The following CCBE1 variants were observed in gnomAD, a reference collection of about 807,000 sequenced individuals.
The protein encoded by CCBE1 is collagen and calcium binding EGF domains 1.
A neutral mutation model predicts 50.0 loss-of-function variants in CCBE1; 37 were observed. The observed-to-expected ratio is 0.74, with a 90% CI of 0.57 to 0.97. The LOEUF (loss-of-function observed/expected upper bound fraction) is 0.97. CCBE1 is among the 50% of genes least tolerant of loss of function. CCBE1 has a pLI of 0.00. For missense variants in CCBE1, 538 were observed against 523.8 expected (o/e 1.03, Z -0.26); for synonymous variants, 234 against 203.7 (o/e 1.15, Z -1.27).
chr18:59,500,797 C>T (rs1913583193), intron 2 of CCBE1, among the ~76,000 whole-genome samples: 1 of 152,204 alleles, frequency 6.6e-6, no homozygotes, highest in Non-Finnish European at 1.5e-5. Flanking sequence ...GGACCTGCTG[C>T]CCTTCTTCCA....
At chr18:59,658,255 C>T (rs762435766) in intron 2 of CCBE1, among the ~76,000 whole-genome samples, 2 of 121,618 alleles carry the variant, frequency 1.6e-5, no homozygotes, top group East Asian at 2.8e-4. Flanking sequence ...TTGGGGATGC[C>T]GAGGCAGGAT....
chr18:59,645,209 C>G (rs1261178278), intron 2 of CCBE1, among the ~76,000 whole-genome samples: 1 of 150,706 alleles, frequency 6.6e-6, no homozygotes, highest in East Asian at 2.0e-4. Flanking sequence ...AGCCTGGAAA[C>G]AGAACGAGAC....
At chr18:59,584,933 A>G (rs1336795732) in intron 2 of CCBE1, among the ~76,000 whole-genome samples, 1 of 152,128 alleles carries the variant, frequency 6.6e-6, no homozygotes, top group Non-Finnish European at 1.5e-5. Context: ...GACAAGTTTG[A>G]TTCTATGACT....
chr18:59,628,157 C>A (rs998162887), intron 2 of CCBE1, among the ~76,000 whole-genome samples: 1 of 152,164 alleles, frequency 6.6e-6, no homozygotes, highest in Non-Finnish European at 1.5e-5. Flanking sequence ...GCTGAGACTG[C>A]AGTGAATTTT....
rs140207654 is a variant in CCBE1 at position 59,519,296 on chromosome 18, T to C, written c.213-39058A>G. On this transcript the variant is annotated intron_variant, in intron 2 of 10. Coordinates refer to ENST00000439986, the MANE Select transcript of CCBE1 (RefSeq NM_133459.4). Reference sequence around the variant, plus strand: ...AGATCAAAACCAGCTTGGAGGTTCCTGGACTTACTTAGAAAAGAGCAGTGC... The same window carrying C: ...AGATCAAAACCAGCTTGGAGGTTCCCGGACTTACTTAGAAAAGAGCAGTGC... Among the ~76,000 whole-genome samples the C allele has an allele frequency of 5.2e-3, 798 of 152,282 alleles. 4 individuals are homozygous for C. Among genetic ancestry groups the C allele is most frequent in the Non-Finnish European group, 9.0e-3 (615 of 68,026 alleles).
intron 2 of CCBE1, among the ~76,000 whole-genome samples, chr18:59,502,542 A>C (rs1913672688): frequency 6.6e-6 from 1 of 152,148 alleles, no homozygotes; most frequent in South Asian, 2.1e-4. Flanking sequence ...AGCCTTGTAC[A>C]TGGCACACTT....
intron 2 of CCBE1, among the ~76,000 whole-genome samples, chr18:59,574,422 A>G (rs6567104): frequency 0.057 from 8,735 of 152,210 alleles, 696 homozygotes; most frequent in African/African-American, 0.18. Flanking sequence ...AATGGGGTGT[A>G]TTAGAGAAAC....
chr18:59,571,325 T>C (rs1357087395), intron 2 of CCBE1, among the ~76,000 whole-genome samples: 2 of 152,126 alleles, frequency 1.3e-5, no homozygotes, highest in Non-Finnish European at 2.9e-5. Flanking sequence ...ATGTCCTTTG[T>C]AGGGACATGG....
At chr18:59,528,083 G>C (rs4940890) in intron 2 of CCBE1, among the ~76,000 whole-genome samples, 1 of 151,952 alleles carries the variant, frequency 6.6e-6, no homozygotes, top group East Asian at 1.9e-4. Context: ...TTCCAACTTG[G>C]CTCTGTTCTC....
At chr18:59,648,191 A>C (rs1164648447) in intron 2 of CCBE1, among the ~76,000 whole-genome samples, 1 of 152,266 alleles carries the variant, frequency 6.6e-6, no homozygotes, top group Non-Finnish European at 1.5e-5. Flanking sequence ...AAGCCTACTC[A>C]GTAAGTGTGA....
chr18:59,447,488 G>A (rs1057248264), intron 7 of CCBE1, among the ~76,000 whole-genome samples: 1 of 152,144 alleles, frequency 6.6e-6, no homozygotes, highest in Non-Finnish European at 1.5e-5. Context: ...CAATACAGTT[G>A]ACTTGTAAAA....
At chr18:59,571,596 C>T (rs977329232) in intron 2 of CCBE1, among the ~76,000 whole-genome samples, 2 of 151,988 alleles carry the variant, frequency 1.3e-5, no homozygotes, top group African/African-American at 2.4e-5. Flanking sequence ...GCACGTTGTG[C>T]GCATGTACCC....
At chr18:59,455,520 C>A (rs983641672) in intron 5 of CCBE1, among the ~76,000 whole-genome samples, 1 of 152,192 alleles carries the variant, frequency 6.6e-6, no homozygotes, top group Non-Finnish European at 1.5e-5. Flanking sequence ...GAAACGCAGT[C>A]GGGCCCAACC....
At chr18:59,608,407 G>A (rs1241483255) in intron 2 of CCBE1, among the ~76,000 whole-genome samples, 2 of 152,152 alleles carry the variant, frequency 1.3e-5, no homozygotes, top group African/African-American at 4.8e-5. Context: ...CCAAAGTGTT[G>A]ATGCAAGACA....
intron 3 of CCBE1, among the ~76,000 whole-genome samples, chr18:59,469,820 A>AT (rs1911943998): frequency 6.6e-6 from 1 of 152,038 alleles, no homozygotes; most frequent in Admixed American, 6.5e-5. Context: ...ATCACTCGTG[A>AT]TTTTTCCCCT....
intron 2 of CCBE1, among the ~76,000 whole-genome samples, chr18:59,530,872 A>G (rs898246324): frequency 1.3e-5 from 2 of 152,240 alleles, no homozygotes; most frequent in Non-Finnish European, 2.9e-5. Context: ...GTCTTCAACA[A>G]TAACTATTTT....
At chr18:59,546,746 C>A (rs560418145) in intron 2 of CCBE1, among the ~76,000 whole-genome samples, 1 of 152,214 alleles carries the variant, frequency 6.6e-6, no homozygotes, top group South Asian at 2.1e-4. Flanking sequence ...ACATGTTAAT[C>A]TTCTATATGG....
At chr18:59,440,474 T>C (rs543336361) in intron 7 of CCBE1, among the ~76,000 whole-genome samples, 1 of 152,340 alleles carries the variant, frequency 6.6e-6, no homozygotes, top group African/African-American at 2.4e-5. Flanking sequence ...ATTGCTAGTC[T>C]TTCTGCCCCG....
At chr18:59,654,870 A>T (rs535063309) in intron 2 of CCBE1, among the ~76,000 whole-genome samples, 32 of 151,468 alleles carry the variant, frequency 2.1e-4, no homozygotes, top group African/African-American at 5.8e-4. Context: ...TGGGAGGCCG[A>T]GGCAGGTGGA....
Sources: gnomAD v4.1 joint callset for allele counts (sites outside exome capture counted in the v4.1 genomes callset) on GRCh38, gnomAD v4.1.1 for gene constraint, MANE v1.5 for transcripts, NCBI Gene and HGNC (gene_info 2026-07-23, HGNC 2026-07-21) for gene names.